Variants in RMST observed in about 807,000 individuals in gnomAD.
RMST encodes the protein long intergenic non-protein coding RNA 54.
At chr12:97,548,707 G>A (rs948060103) in intron 11 of RMST, among the ~76,000 whole-genome samples, 2 of 151,902 alleles carry the variant, frequency 1.3e-5, no homozygotes, top group Non-Finnish European at 2.9e-5. Flanking sequence ...TTTGTATTCT[G>A]CAGATTTACT....
At chr12:97,555,937 C>T (rs60228589) in intron 11 of RMST, among the ~76,000 whole-genome samples, 2,440 of 152,264 alleles carry the variant, frequency 0.016, 55 homozygotes, top group African/African-American at 0.056. Context: ...TTTGCATCTT[C>T]GTCCCAGCAT....
At chr12:97,503,336 G>A (rs780138142) in intron 10 of RMST, among the ~76,000 whole-genome samples, 3 of 151,878 alleles carry the variant, frequency 2.0e-5, no homozygotes, top group African/African-American at 4.8e-5. Flanking sequence ...TTTTATCGAC[G>A]TGAACTTTGA....
chr12:97,478,722 A>G (rs183528750), intron 5 of RMST, among the ~76,000 whole-genome samples: 2 of 152,334 alleles, frequency 1.3e-5, no homozygotes, highest in Admixed American at 1.3e-4. Flanking sequence ...ACAGGGCTTA[A>G]ATAGGAGTTA....
At chr12:97,522,228 T>C (rs1196076869) in intron 10 of RMST, among the ~76,000 whole-genome samples, 2 of 152,206 alleles carry the variant, frequency 1.3e-5, no homozygotes, top group Non-Finnish European at 1.5e-5. Context: ...ATTTAAAAGA[T>C]GTTAAATTGC....
intron 5 of RMST, among the ~76,000 whole-genome samples, chr12:97,490,009 C>T (rs1876593495): frequency 6.6e-6 from 1 of 152,172 alleles, no homozygotes; most frequent in Non-Finnish European, 1.5e-5. Context: ...ATGCTCTATT[C>T]CTAGGCCCAA....
At chr12:97,562,735 G>A (rs528771293) in intron 13 of RMST, among the ~76,000 whole-genome samples, 1 of 152,290 alleles carries the variant, frequency 6.6e-6, no homozygotes, top group Admixed American at 6.5e-5. Context: ...TTTTCTGCAT[G>A]ATAATTGAAT....
chr12:97,545,367 G>A (rs991389485), intron 11 of RMST, among the ~76,000 whole-genome samples: 1 of 152,002 alleles, frequency 6.6e-6, no homozygotes, highest in Non-Finnish European at 1.5e-5. Context: ...GAGCTGGTGA[G>A]GGACAGATCT....
chr12:97,502,556 G>A (rs1878196437), intron 10 of RMST, among the ~76,000 whole-genome samples: 1 of 152,172 alleles, frequency 6.6e-6, no homozygotes, highest in African/African-American at 2.4e-5. Flanking sequence ...CACTTTCTGA[G>A]CTCAAGCAAT....
chr12:97,474,512 C>G (rs1468135597), intron 5 of RMST, among the ~76,000 whole-genome samples: 1 of 150,674 alleles, frequency 6.6e-6, no homozygotes, highest in Non-Finnish European at 1.5e-5. Context: ...CCCCCACCCT[C>G]ATTTTCCTCT....
intron 5 of RMST, among the ~76,000 whole-genome samples, chr12:97,486,801 G>A (rs968269457): frequency 1.1e-4 from 16 of 152,076 alleles, no homozygotes; most frequent in African/African-American, 2.9e-4. Context: ...TTTAATAAAC[G>A]AACAGAGAAA....
intron 5 of RMST, among the ~76,000 whole-genome samples, chr12:97,484,049 G>A (rs1031692358): frequency 2.0e-5 from 3 of 152,128 alleles, no homozygotes; most frequent in African/African-American, 4.8e-5. Context: ...TAAGGAGATG[G>A]AAACAGCTCT....
At chr12:97,513,996 A>G (rs1366268304) in intron 10 of RMST, among the ~76,000 whole-genome samples, 1 of 152,190 alleles carries the variant, frequency 6.6e-6, no homozygotes, top group Non-Finnish European at 1.5e-5. Context: ...TATGAGGTAG[A>G]TGTTAGCTCA....
At chr12:97,472,197 T>A (rs939692041) in intron 5 of RMST, among the ~76,000 whole-genome samples, 2 of 152,142 alleles carry the variant, frequency 1.3e-5, no homozygotes, top group African/African-American at 4.8e-5. Flanking sequence ...AATAGTTTTG[T>A]GTTAGCAGCT....
chr12:97,513,489 T>C (rs1286418294), intron 10 of RMST, among the ~76,000 whole-genome samples: 3 of 152,160 alleles, frequency 2.0e-5, no homozygotes, highest in Non-Finnish European at 4.4e-5. Context: ...ATGTTGAAGA[T>C]GGAGAGGGAG....
chr12:97,553,293 G>T (rs965367436), intron 11 of RMST, among the ~76,000 whole-genome samples: 2 of 151,998 alleles, frequency 1.3e-5, no homozygotes, highest in Admixed American at 1.3e-4. Flanking sequence ...TAACACATTT[G>T]GCTTAATTGC....
chr12:97,472,951 T>A (rs916935346), intron 5 of RMST, among the ~76,000 whole-genome samples: 1 of 152,102 alleles, frequency 6.6e-6, no homozygotes, highest in East Asian at 1.9e-4. Flanking sequence ...GTGAAGGATT[T>A]TATAAAAGGA....
At chr12:97,473,496 G>A (rs1470859366) in intron 5 of RMST, among the ~76,000 whole-genome samples, 3 of 152,034 alleles carry the variant, frequency 2.0e-5, no homozygotes, top group South Asian at 2.1e-4. Context: ...TTACATCATT[G>A]CTTGTGCCTA....
chr12:97,470,864 A>G (rs1323665567), intron 5 of RMST, among the ~76,000 whole-genome samples: 2 of 152,032 alleles, frequency 1.3e-5, no homozygotes, highest in Admixed American at 6.6e-5. Context: ...CATTTCCTTA[A>G]CCATCATAAA....
chr12:97,499,279 C>T lies in RMST; in HGVS notation n.1340+3223C>T, dbSNP rs138286347. On this transcript the variant is annotated intron_variant and non_coding_transcript_variant, in intron 10 of 13. Transcript: ENST00000640149. ...TCTACCCACATCCTATCCATATACT[C>T]GTTCTTGCTTGTCCATTGTATTTCT... 2.9e-3 allele frequency among the ~76,000 whole-genome samples: 434 copies of T among 152,204 alleles called. 2 individuals carry two copies. The highest frequency in any genetic ancestry group is 9.8e-3 in the African/African-American group (409 of 41,532).
Sources: allele counts gnomAD v4.1 joint callset (sites outside exome capture counted in the v4.1 genomes callset), GRCh38; gene constraint gnomAD v4.1.1; transcripts MANE v1.5; gene names NCBI Gene and HGNC (gene_info 2026-07-23, HGNC 2026-07-21).